The following SLC12A9 variants were observed in gnomAD, a reference collection of about 807,000 sequenced individuals.
SLC12A9 encodes solute carrier family 12 member 9.
SLC12A9 carries 55 observed loss-of-function variants against 66.0 expected under a neutral mutation model. That is an observed-to-expected ratio of 0.83 (90% CI 0.67 to 1.04). SLC12A9 has a LOEUF of 1.04. Among genes scored for constraint, SLC12A9 ranks in the 50% least tolerant of loss-of-function variants. SLC12A9 has a pLI of 0.00. For synonymous variants in SLC12A9, 577 were observed against 569.0 expected, an observed-to-expected ratio of 1.01 and a Z score of -0.20; for missense variants, 1,061 against 1,241.9, an observed-to-expected ratio of 0.85 and a Z score of 2.19.
upstream of SLC12A9, among the ~76,000 whole-genome samples, chr7:100,848,515 T>TAAAC (rs1329392970): frequency 6.7e-6 from 1 of 149,196 alleles, no homozygotes; most frequent in African/African-American, 2.5e-5. Flanking sequence ...AATAAATAAA[T>TAAAC]AAATAAATAA....
Position 100,854,410 on chromosome 7 carries a change from C to CCA in SLC12A9, c.181+32_181+33insCA, listed in dbSNP as rs748391927. The stretch of plus-strand genomic sequence containing the variant: ...GGGTCCTGGGGCGGGTGTGGACTGA[C>CCA]TATAGTATGGGAGGACATGATGGGG... On this transcript the variant is annotated intron_variant, in intron 2 of 13. Transcript: ENST00000354161. 6 of 1,604,714 alleles carry CCA rather than the reference C, an allele frequency of 3.7e-6. No individual in the cohort carries two copies. The African/African-American group carries it at 8.1e-5, about 22-fold the overall frequency.
At chr7:100,844,962 G>A (rs1439273448) in intron 1 of SLC12A9, among the ~76,000 whole-genome samples, 1 of 152,002 alleles carries the variant, frequency 6.6e-6, no homozygotes, top group African/African-American at 2.4e-5. Flanking sequence ...TGTTATATAT[G>A]TGGAGGAGCT....
intron 1 of SLC12A9, among the ~76,000 whole-genome samples, chr7:100,840,525 T>TGA (rs921629500): frequency 2.5e-4 from 38 of 151,626 alleles, no homozygotes; most frequent in African/African-American, 6.1e-4. Context: ...ACACAGCGGT[T>TGA]GAGAACAGCA....
At chr7:100,828,414 C>T (rs1813471797) in intron 1 of SLC12A9, among the ~76,000 whole-genome samples, 1 of 151,920 alleles carries the variant, frequency 6.6e-6, no homozygotes, top group Non-Finnish European at 1.5e-5. Context: ...TGGCGCGCGC[C>T]TGTAATCCTA....
At position 100,861,492 on chromosome 7, in the gene SLC12A9, C is replaced by G. The variant is rs1212633564; in HGVS notation, c.1444C>G (p.Leu482Val). ...CAGTCCTGGCGCGGCTGGTGGCTCCCTGCTCCTCATGGGTCTGCTGGCTGC... is the reference window on the plus strand; with the variant it reads ...CAGTCCTGGCGCGGCTGGTGGCTCCGTGCTCCTCATGGGTCTGCTGGCTGC... ...LISPGAAGGS[L>V]LLMGLLAALL... Residue 482 changes from leucine (L) to valine (V), a missense_variant, in exon 11 of 14, where the codon CTG (leucine) becomes GTG (valine). Physicochemically the swap from Leu to Val is conservative, Grantham distance 32. Transcript: ENST00000354161. This position sits in a 1 kb window ranked among gnomAD's most constrained non-coding sequence, Gnocchi z 5.3. 2 of 1,613,790 alleles carry G rather than the reference C, an allele frequency of 1.2e-6. No homozygotes were observed. The highest frequency in any genetic ancestry group is 1.3e-5 in the African/African-American group (1 of 74,944).
intron 1 of SLC12A9, among the ~76,000 whole-genome samples, chr7:100,846,950 C>T (rs578114596): frequency 1.3e-4 from 20 of 152,218 alleles, no homozygotes; most frequent in African/African-American, 4.8e-4. Flanking sequence ...TGTTTTCTTC[C>T]AATCTAATTA....
intron 1 of SLC12A9, among the ~76,000 whole-genome samples, chr7:100,835,417 C>T (rs181934983): frequency 2.7e-5 from 4 of 149,630 alleles, no homozygotes; most frequent in Admixed American, 6.7e-5. Flanking sequence ...TTTGGGAAGC[C>T]GAGGTGGGCA....
intron 13 of SLC12A9, 184 bp from the exon 14 acceptor site, chr7:100,865,535 A>G (rs1815022697): frequency 9.6e-6 from 15 of 1,564,218 alleles, no homozygotes; most frequent in Non-Finnish European, 1.3e-5. Flanking sequence ...TGCATGTGAA[A>G]GTGTTTAGGA....
intron 1 of SLC12A9, among the ~76,000 whole-genome samples, chr7:100,839,318 C>T (rs1410247014): frequency 3.3e-5 from 5 of 151,266 alleles, no homozygotes; most frequent in South Asian, 2.1e-4. Flanking sequence ...AGTGAGACTC[C>T]GTCTCAAAAA....
chr7:100,830,842 G>A, intron 1 of SLC12A9, among the ~76,000 whole-genome samples: 1 of 151,754 alleles, frequency 6.6e-6, no homozygotes. Context: ...CAATTCTCAG[G>A]AACCACCCTT....
intron 1 of SLC12A9, among the ~76,000 whole-genome samples, chr7:100,838,227 C>T (rs1361366866): frequency 1.3e-5 from 2 of 152,146 alleles, no homozygotes; most frequent in African/African-American, 4.8e-5. Flanking sequence ...TCTCACACTC[C>T]TGGGCTCAAG....
At chr7:100,828,853 A>AC (rs1047798135) in intron 1 of SLC12A9, among the ~76,000 whole-genome samples, 3 of 151,818 alleles carry the variant, frequency 2.0e-5, no homozygotes, top group African/African-American at 7.3e-5. Flanking sequence ...CCTCCCACCA[A>AC]CCCCCTTCTA....
intron 1 of SLC12A9, among the ~76,000 whole-genome samples, chr7:100,835,319 C>T (rs1348620830): frequency 1.4e-5 from 2 of 147,000 alleles, no homozygotes; most frequent in Admixed American, 1.4e-4. Flanking sequence ...GGTTCCACTG[C>T]ACTCCAGCCG....
chr7:100,829,508 C>CGGGTTGGGGGGGGT (rs1554422215), intron 1 of SLC12A9, among the ~76,000 whole-genome samples: 2 of 149,234 alleles, frequency 1.3e-5, no homozygotes, highest in Admixed American at 1.3e-4. Context: ...GTCCTGCGCC[C>CGGGTTGGGGGGGGT]GGGTTGGGGG....
Position 100,859,099 on chromosome 7 carries a change from C to A in SLC12A9, c.915C>A (p.Ala305=), listed in dbSNP as rs767360616. The part of the protein sequence containing the change: ...SRAIPLGTIV[A]VAYTFFVYVL... ...CGATCCCTCTGGGCACGATCGTCGC[C>A]GTCGCCTACACCTTCTTCGTCTATG... is the stretch of plus-strand genomic sequence containing the variant. The change falls in exon 7 of 14, where the codon GCC becomes GCA. Residue 305 remains alanine (A), a synonymous_variant. Coordinates refer to ENST00000354161, the MANE Select transcript of SLC12A9 (RefSeq NM_020246.4). 7 of 1,613,940 alleles carry A rather than the reference C, an allele frequency of 4.3e-6. No homozygotes were observed. Among genetic ancestry groups the A allele is most frequent in the Non-Finnish European group, 5.9e-6 (7 of 1,180,030 alleles).
Position 100,861,319 on chromosome 7 carries a change from G to C in SLC12A9, c.1343+57G>C. The stretch of plus-strand genomic sequence containing the variant: ...AAGAAGGGAGGACTCGGGCTCAGGC[G>C]TGGGGCTGGGGACTGCAGCCTCGTG... On this transcript the variant is annotated intron_variant, in intron 10 of 13. Transcript: ENST00000354161. This position sits in a 1 kb window ranked among gnomAD's most constrained non-coding sequence, Gnocchi z 5.3. The C allele has an allele frequency of 6.2e-7, 1 of 1,613,114 alleles. No individual in the cohort carries two copies. The highest frequency in any genetic ancestry group is 8.5e-7 in the Non-Finnish European group (1 of 1,179,292).
chr7:100,854,488 G>C (rs779140504), intron 2 of SLC12A9, 110 bp downstream of exon 2: 4 of 1,590,982 alleles, frequency 2.5e-6, no homozygotes, highest in Non-Finnish European at 2.6e-6. Context: ...AAGAGAAGCG[G>C]TTGGCTGAAG....
At chr7:100,827,163 A>G in intron 1 of SLC12A9, 1 of 896,816 alleles carries the variant, frequency 1.1e-6, no homozygotes, top group Non-Finnish European at 1.6e-6. Flanking sequence ...GCGCGGGCCC[A>G]TGCGAGCGTG....
At position 100,841,342 on chromosome 7, in the gene SLC12A9, C is replaced by G. The variant is rs192023252; in HGVS notation, n.228+14295C>G. Among the ~76,000 whole-genome samples, 1,264 of 150,888 alleles carry G rather than the reference C, an allele frequency of 8.4e-3. 12 individuals carry two copies. Among genetic ancestry groups the G allele is most frequent in the Non-Finnish European group, 0.012 (815 of 67,758 alleles). On this transcript the variant is annotated intron_variant and non_coding_transcript_variant, in intron 1 of 1. Coordinates refer to the SLC12A9 transcript ENST00000461016. ...AAAAAAAAACAAACCAGTTTATGTG[C>G]AAGGTGTATAAGAAAAGTAAAATAT...
Sources: gnomAD v4.1 joint callset for allele counts (sites outside exome capture counted in the v4.1 genomes callset) on GRCh38, gnomAD v4.1.1 for gene constraint, Gnocchi (gnomAD v3.1) non-coding constraint, MANE v1.5 for transcripts, NCBI Gene and HGNC (gene_info 2026-07-23, HGNC 2026-07-21) for gene names.